SMC5: variants seen among roughly 807,000 people sequenced by gnomAD.
SMC5 encodes structural maintenance of chromosomes protein 5.
SMC5 carries 88 observed loss-of-function variants against 148.3 expected under a neutral mutation model. The ratio of observed to expected loss-of-function variants is 0.59; its 90% CI spans 0.50 to 0.71. The LOEUF (loss-of-function observed/expected upper bound fraction) is 0.71, where lower values mean the gene tolerates loss of function less well. Ranked by LOEUF, SMC5 falls within the 30% of genes least tolerant of loss-of-function variation. The pLI is 0.00. For synonymous variants in SMC5, 421 were observed against 432.8 expected, an observed-to-expected ratio of 0.97 and a Z score of 0.34; for missense variants, 1,142 against 1,298.9, an observed-to-expected ratio of 0.88 and a Z score of 1.86.
chr9:70,338,433 C>G (rs1249458785), intron 17 of SMC5, among the ~76,000 whole-genome samples: 1 of 152,160 alleles, frequency 6.6e-6, no homozygotes, highest in Non-Finnish European at 1.5e-5. Context: ...TCACCTCTTT[C>G]TAACTATCAC....
In SMC5 at chr9:70,322,692, C is replaced by T. The variant is rs1366660027; in HGVS notation, c.2151-791C>T. On this transcript the variant is annotated intron_variant, in intron 15 of 24. Transcript: ENST00000361138. The stretch of plus-strand genomic sequence containing the variant: ...CTCTACTAAAAATACAAAAATTATC[C>T]GGGCATGGCGGTGGGCGCCTGTAAT... Among the ~76,000 whole-genome samples, 2 of 151,862 alleles carry T rather than the reference C, an allele frequency of 1.3e-5. 1 individual carries two copies. Among genetic ancestry groups the T allele is most frequent in the East Asian group, 3.9e-4 (2 of 5,174 alleles).
chr9:70,286,871 C>T (rs1374443768), intron 8 of SMC5: 2 of 152,094 alleles, frequency 1.3e-5, no homozygotes, highest in African/African-American at 4.8e-5. Context: ...TGCATGCGAC[C>T]ACACCCAGGT....
At chr9:70,339,217 C>T (rs184289245) in intron 17 of SMC5, among the ~76,000 whole-genome samples, 4 of 152,104 alleles carry the variant, frequency 2.6e-5, no homozygotes, top group African/African-American at 4.8e-5. Context: ...ATCACGAGGT[C>T]GGGAGATCGA....
chr9:70,325,126 T>G (rs1242363519), intron 17 of SMC5, among the ~76,000 whole-genome samples: 2 of 152,218 alleles, frequency 1.3e-5, no homozygotes, highest in Non-Finnish European at 2.9e-5. Flanking sequence ...ATCATGTGGC[T>G]CAAAGACATG....
Position 70,338,708 on chromosome 9 carries a change from G to A in SMC5, c.2398-5436G>A, listed in dbSNP as rs545956806. Reference sequence around the variant, plus strand: ...ATAACCTCTGTATCTTTCCCGTATCGTTTGTTCACCTTTTTCATTCTGAGT... The same window carrying A: ...ATAACCTCTGTATCTTTCCCGTATCATTTGTTCACCTTTTTCATTCTGAGT... On this transcript the variant is annotated intron_variant, in intron 17 of 24. Transcript: ENST00000361138. 3.9e-5 allele frequency among the ~76,000 whole-genome samples: 6 copies of A among 152,014 alleles called. No homozygotes were observed. The East Asian group carries it at 7.7e-4, about 20-fold the overall frequency.
intron 11 of SMC5, among the ~76,000 whole-genome samples, chr9:70,308,851 G>A (rs2035579862): frequency 6.6e-6 from 1 of 151,786 alleles, no homozygotes; most frequent in African/African-American, 2.4e-5. Flanking sequence ...TTTAAACATT[G>A]ACCTTATATC....
intron 1 of SMC5, 53 bp downstream of exon 1, chr9:70,259,316 C>T (rs2034024480): frequency 2.0e-6 from 3 of 1,486,850 alleles, no homozygotes; most frequent in South Asian, 2.7e-5. Context: ...GGCCAGCAGG[C>T]CCCGGGGCTC....
At chr9:70,304,882 T>G (rs1019478562) in intron 10 of SMC5, among the ~76,000 whole-genome samples, 1 of 152,044 alleles carries the variant, frequency 6.6e-6, no homozygotes, top group South Asian at 2.1e-4. Flanking sequence ...GAAGTTCTCT[T>G]GAAGATTAAG....
intron 1 of SMC5, among the ~76,000 whole-genome samples, chr9:70,259,944 T>C (rs986985340): frequency 6.9e-6 from 1 of 144,656 alleles, no homozygotes; most frequent in African/African-American, 2.6e-5. Flanking sequence ...TTTTTTTTTT[T>C]CCTCTTTTTT....
intron 18 of SMC5, among the ~76,000 whole-genome samples, chr9:70,346,132 C>T (rs572842149): frequency 1.7e-4 from 26 of 152,150 alleles, no homozygotes; most frequent in African/African-American, 6.3e-4. Context: ...TTCTGTTTCA[C>T]CATCTTAAAT....
At position 70,299,073 on chromosome 9, in the gene SMC5, A is replaced by G. The variant is rs982922713; in HGVS notation, c.1309+852A>G. On this transcript the variant is annotated intron_variant, in intron 9 of 24. Transcript: ENST00000361138. ...TCAGTATTGCTTCAGTCCACACTTCATAAGCTACAAATAGTACTCCCTCGC... is the reference window on the plus strand; with the variant it reads ...TCAGTATTGCTTCAGTCCACACTTCGTAAGCTACAAATAGTACTCCCTCGC... Among the ~76,000 whole-genome samples, 5 of 151,990 alleles carry G rather than the reference A, an allele frequency of 3.3e-5. No homozygotes were observed. The East Asian group carries it at 9.6e-4, about 29-fold the overall frequency.
intron 11 of SMC5, among the ~76,000 whole-genome samples, chr9:70,308,534 G>A (rs899380347): frequency 7.4e-6 from 1 of 135,484 alleles, no homozygotes. Flanking sequence ...GGCAGAGCTT[G>A]CAGTGAGCCA....
intron 17 of SMC5, among the ~76,000 whole-genome samples, chr9:70,338,423 T>A (rs1182892031): frequency 6.6e-6 from 1 of 152,168 alleles, no homozygotes; most frequent in Non-Finnish European, 1.5e-5. Context: ...CATTACTAGT[T>A]CACCTCTTTC....
intron 17 of SMC5, among the ~76,000 whole-genome samples, chr9:70,340,521 A>T (rs1326905082): frequency 1.3e-5 from 2 of 152,056 alleles, no homozygotes; most frequent in Non-Finnish European, 2.9e-5. Flanking sequence ...TAACTAAAAC[A>T]AATGGTTAAC....
At chr9:70,321,267 G>C (rs1176000609) in intron 15 of SMC5, among the ~76,000 whole-genome samples, 1 of 152,168 alleles carries the variant, frequency 6.6e-6, no homozygotes, top group Non-Finnish European at 1.5e-5. Context: ...TTGGGCACCT[G>C]AGGGTTTATC....
At chr9:70,307,648 G>A (rs1013838272) in intron 11 of SMC5, among the ~76,000 whole-genome samples, 4 of 151,894 alleles carry the variant, frequency 2.6e-5, no homozygotes, top group South Asian at 2.1e-4. Context: ...GATTACAGGC[G>A]TCCACCACCG....
chr9:70,308,623 T>C (rs1330509469), intron 11 of SMC5, among the ~76,000 whole-genome samples: 1 of 145,658 alleles, frequency 6.9e-6, no homozygotes, highest in South Asian at 2.2e-4. Context: ...AAAAAAAGAA[T>C]TACTAATCTG....
At chr9:70,326,962 T>TA (rs996116334) in intron 17 of SMC5, among the ~76,000 whole-genome samples, 2 of 152,150 alleles carry the variant, frequency 1.3e-5, no homozygotes, top group Non-Finnish European at 2.9e-5. Flanking sequence ...AACAAGTAGT[T>TA]ACGTTAATGT....
chr9:70,291,548 C>T (rs2035060872), intron 8 of SMC5, among the ~76,000 whole-genome samples: 1 of 152,164 alleles, frequency 6.6e-6, no homozygotes, highest in Non-Finnish European at 1.5e-5. Flanking sequence ...TTTCCAAAAC[C>T]TCATATGGTT....
Sources: allele counts gnomAD v4.1 joint callset (sites outside exome capture counted in the v4.1 genomes callset), GRCh38; gene constraint gnomAD v4.1.1; transcripts MANE v1.5; gene names NCBI Gene and HGNC (gene_info 2026-07-23, HGNC 2026-07-21).